Variants in PPP1R9A observed in about 807,000 individuals in gnomAD.
The protein encoded by PPP1R9A is neurabin-1.
PPP1R9A carries 59 observed loss-of-function variants against 141.9 expected under a neutral mutation model. The observed-to-expected ratio is 0.42, with a 90% confidence interval of 0.34 to 0.52. The LOEUF is 0.52. Among genes scored for constraint, PPP1R9A ranks in the 20% least tolerant of loss-of-function variants. PPP1R9A has a pLI of 0.10. For synonymous variants in PPP1R9A, 500 were observed against 569.7 expected (o/e 0.88, Z 1.74); for missense variants, 1,444 against 1,611.9 (o/e 0.90, Z 1.78).
intron 2 of PPP1R9A, among the ~76,000 whole-genome samples, chr7:94,944,361 A>C (rs1376997316): frequency 6.6e-6 from 1 of 152,026 alleles, no homozygotes; most frequent in Admixed American, 6.6e-5. Flanking sequence ...GCTGGAGTTT[A>C]TCACCAGTAG....
At chr7:94,958,204 G>A (rs1324057872) in intron 2 of PPP1R9A, among the ~76,000 whole-genome samples, 1 of 152,032 alleles carries the variant, frequency 6.6e-6, no homozygotes, top group African/African-American at 2.4e-5. Flanking sequence ...TTTGTGTATG[G>A]ATAGTTTCTC....
intron 2 of PPP1R9A, among the ~76,000 whole-genome samples, chr7:95,061,631 G>A (rs1812243362): frequency 6.6e-6 from 1 of 152,128 alleles, no homozygotes. Context: ...AGCTACTTGG[G>A]AGGTTGAGGT....
intron 7 of PPP1R9A, among the ~76,000 whole-genome samples, chr7:95,203,952 T>C (rs1790144560): frequency 1.3e-5 from 2 of 152,312 alleles, no homozygotes; most frequent in South Asian, 2.1e-4. Context: ...GACTCATTTC[T>C]TAATATTTAG....
intron 2 of PPP1R9A, among the ~76,000 whole-genome samples, chr7:95,034,841 T>C (rs758585350): frequency 6.6e-6 from 1 of 152,212 alleles, no homozygotes; most frequent in Non-Finnish European, 1.5e-5. Context: ...TTCTTGCCTA[T>C]ATTTTTGTTT....
At chr7:95,264,630 G>A (rs112083546) in intron 12 of PPP1R9A, among the ~76,000 whole-genome samples, 2 of 152,272 alleles carry the variant, frequency 1.3e-5, no homozygotes, top group African/African-American at 4.8e-5. Flanking sequence ...AGGTATAGAG[G>A]TGGAGTCTCT....
chr7:95,041,006 C>T (rs1809150932), intron 2 of PPP1R9A, among the ~76,000 whole-genome samples: 1 of 152,120 alleles, frequency 6.6e-6, no homozygotes, highest in African/African-American at 2.4e-5. Flanking sequence ...GAGGAGATAT[C>T]CCATGAAATA....
chr7:95,119,659 G>A (rs1333494155), intron 3 of PPP1R9A, among the ~76,000 whole-genome samples: 3 of 152,032 alleles, frequency 2.0e-5, no homozygotes, highest in Non-Finnish European at 4.4e-5. Context: ...TCACCCTGTT[G>A]CCCAGGCTTG....
At chr7:94,908,147 G>T (rs1381495108) in intron 1 of PPP1R9A, 1 of 150,776 alleles carries the variant, frequency 6.6e-6, no homozygotes, top group Non-Finnish European at 1.5e-5. Flanking sequence ...CGGGTAAGGG[G>T]GAGGCTGAGC....
chr7:95,055,226 TATA>T (rs1017049150), intron 2 of PPP1R9A, among the ~76,000 whole-genome samples: 3 of 152,044 alleles, frequency 2.0e-5, no homozygotes, highest in African/African-American at 7.3e-5. Flanking sequence ...GAAGTATTAT[TATA>T]TATTTTCCAT....
intron 5 of PPP1R9A, among the ~76,000 whole-genome samples, chr7:95,162,333 C>T (rs1830578148): frequency 6.6e-6 from 1 of 152,020 alleles, no homozygotes; most frequent in African/African-American, 2.4e-5. Context: ...TACATATATT[C>T]AATTTTCTGT....
intron 4 of PPP1R9A, among the ~76,000 whole-genome samples, chr7:95,146,248 C>T (rs1010434714): frequency 7.9e-5 from 12 of 152,132 alleles, no homozygotes; most frequent in African/African-American, 2.7e-4. Context: ...CTCTAATGAC[C>T]GGTGATGATG....
chr7:95,143,406 C>T (rs1363951603), intron 4 of PPP1R9A, among the ~76,000 whole-genome samples: 1 of 151,978 alleles, frequency 6.6e-6, no homozygotes, highest in Non-Finnish European at 1.5e-5. Flanking sequence ...ATCATAAGAC[C>T]ATAGATCTCA....
intron 2 of PPP1R9A, among the ~76,000 whole-genome samples, chr7:94,952,260 A>G (rs577306288): frequency 2.0e-5 from 3 of 152,258 alleles, no homozygotes; most frequent in Admixed American, 1.3e-4. Context: ...AGCTTCATCC[A>G]TGTCCCTGCA....
intron 2 of PPP1R9A, among the ~76,000 whole-genome samples, chr7:94,939,313 A>G (rs758651645): frequency 2.0e-5 from 3 of 152,140 alleles, no homozygotes; most frequent in Non-Finnish European, 2.9e-5. Context: ...AGATACCTAT[A>G]TTGTTGATAG....
intron 4 of PPP1R9A, among the ~76,000 whole-genome samples, chr7:95,140,617 C>T (rs1043501378): frequency 6.6e-6 from 1 of 152,196 alleles, no homozygotes; most frequent in African/African-American, 2.4e-5. Context: ...TCTTGAATTC[C>T]TGGTCCCAAG....
rs144383593 is a variant in PPP1R9A, at chr7:95,250,011, G to A, written c.2167-15G>A. 1.0e-3 allele frequency: 1,613 copies of A among 1,576,078 alleles called. 8 individuals carry two copies. In the African/African-American group the frequency reaches 0.014, roughly 14 times the overall value. On this transcript the variant is annotated splice_polypyrimidine_tract_variant and intron_variant, in intron 9 of 19. Coordinates refer to ENST00000433360, the MANE Select transcript of PPP1R9A (RefSeq NM_001166160.2). ...GTGGCCAAATTATCTTTGCCTTGAC[G>A]TTTGCTTTCTCCAGCTGCAGGCAGC...
chr7:94,998,017 A>G lies in PPP1R9A; in HGVS notation c.1395+86509A>G, dbSNP rs184273477. 4.0e-4 allele frequency among the ~76,000 whole-genome samples: 61 copies of G among 152,320 alleles called. 1 individual carries two copies. The East Asian group carries it at 0.01, about 25-fold the overall frequency. ...CTCAGTTTTCTAGTAGCTTACAGTA[A>G]GAAGGTATGGACAATTTTACTTATT... On this transcript the variant is annotated intron_variant, in intron 2 of 19. Transcript: ENST00000433360.
intron 2 of PPP1R9A, among the ~76,000 whole-genome samples, chr7:95,016,241 A>G (rs1049948041): frequency 6.6e-6 from 1 of 152,118 alleles, no homozygotes; most frequent in African/African-American, 2.4e-5. Context: ...GAAGAAAAAA[A>G]AGTTATCAAT....
intron 2 of PPP1R9A, among the ~76,000 whole-genome samples, chr7:95,089,624 G>A (rs1584630854): frequency 6.6e-6 from 1 of 152,048 alleles, no homozygotes; most frequent in Non-Finnish European, 1.5e-5. Flanking sequence ...CACAGGGAGC[G>A]GAGTCCCATG....
Sources: gnomAD v4.1 joint callset for allele counts (sites outside exome capture counted in the v4.1 genomes callset) on GRCh38, gnomAD v4.1.1 for gene constraint, MANE v1.5 for transcripts, NCBI Gene and HGNC (gene_info 2026-07-23, HGNC 2026-07-21) for gene names.